Variants in TFAP2E observed in about 807,000 individuals in gnomAD.
TFAP2E encodes the protein transcription factor AP-2-epsilon.
A neutral mutation model predicts 37.9 loss-of-function variants in TFAP2E; 30 were observed. The observed-to-expected ratio is 0.79, with a 90% CI of 0.59 to 1.07. The LOEUF is 1.07. Ranked by LOEUF, TFAP2E falls within the 50% of genes least tolerant of loss-of-function variation. TFAP2E has a pLI of 0.00. For missense variants in TFAP2E, 567 were observed against 637.9 expected (o/e 0.89, Z 1.20); for synonymous variants, 318 against 295.8 (o/e 1.08, Z -0.77).
intron 3 of TFAP2E, among the ~76,000 whole-genome samples, chr1:35,580,430 C>A (rs1453027465): frequency 6.6e-6 from 1 of 152,112 alleles, no homozygotes; most frequent in Non-Finnish European, 1.5e-5. Flanking sequence ...GTCCAAGGAA[C>A]CACATGCATC....
chr1:35,595,560 C>T (rs1273594022), downstream of TFAP2E, among the ~76,000 whole-genome samples: 6 of 152,226 alleles, frequency 3.9e-5, no homozygotes, highest in Non-Finnish European at 7.3e-5. Flanking sequence ...ATGTCCCCAT[C>T]TCTCATTCTC....
intron 3 of TFAP2E, among the ~76,000 whole-genome samples, chr1:35,581,970 G>C (rs1043389030): frequency 3.9e-5 from 6 of 151,946 alleles, no homozygotes; most frequent in African/African-American, 1.2e-4. Context: ...CTGCCTCCTG[G>C]GTTCAAGCAA....
chr1:35,582,749 T>C (rs1344023850), intron 3 of TFAP2E, among the ~76,000 whole-genome samples: 1 of 152,052 alleles, frequency 6.6e-6, no homozygotes, highest in Non-Finnish European at 1.5e-5. Flanking sequence ...ACCCTCGAAC[T>C]CCTGAACTCA....
At chr1:35,581,196 G>C (rs1314520504) in intron 3 of TFAP2E, among the ~76,000 whole-genome samples, 1 of 152,114 alleles carries the variant, frequency 6.6e-6, no homozygotes, top group Non-Finnish European at 1.5e-5. Context: ...CTAAGTAAAA[G>C]AAACAGCAAT....
At position 35,579,554 on chromosome 1, in the gene TFAP2E, C is replaced by T. The variant is rs182657350; in HGVS notation, c.562+4554C>T. ...GGATTACAGGTACCTGTCACCACGC[C>T]CAGCTAATTTTTGTATTTTTAGTAG... On this transcript the variant is annotated intron_variant, in intron 3 of 6. Coordinates refer to ENST00000373235, the MANE Select transcript of TFAP2E (RefSeq NM_178548.4). Among the ~76,000 whole-genome samples the T allele has an allele frequency of 1.5e-3, 227 of 152,030 alleles. 1 individual carries two copies. Among genetic ancestry groups the T allele is most frequent in the African/African-American group, 4.7e-3 (193 of 41,498 alleles).
At chr1:35,592,258 C>G (rs868024223) in intron 6 of TFAP2E, among the ~76,000 whole-genome samples, 2 of 149,744 alleles carry the variant, frequency 1.3e-5, no homozygotes, top group Non-Finnish European at 2.9e-5. Flanking sequence ...GTACTCTAGC[C>G]TGCGTGACAT....
Position 35,590,153 on chromosome 1 carries a change from A to G in TFAP2E, c.904+105A>G. 1 of 1,056,320 alleles carries G rather than the reference A, an allele frequency of 9.5e-7. No homozygotes were observed. Among genetic ancestry groups the G allele is most frequent in the Non-Finnish European group, 1.5e-6 (1 of 688,704 alleles). 65.4% of individuals were successfully genotyped at this position (1,056,320 alleles called of 1,614,324 possible). On this transcript the variant is annotated intron_variant, in intron 5 of 6. Coordinates refer to ENST00000373235, the MANE Select transcript of TFAP2E (RefSeq NM_178548.4). This position sits in a 1 kb window ranked among gnomAD's most constrained non-coding sequence, Gnocchi z 6.2. ...AGGGTGTGTTTAGTGGTGTGTGTGT[A>G]TCCGTGTAAGTGTTGCAGTATCTGT...
At position 35,588,329 on chromosome 1, in the gene TFAP2E, G is replaced by T; in HGVS notation, c.563-1G>T. On this transcript the variant is annotated splice_acceptor_variant, in intron 3 of 6. Transcript: ENST00000373235. LOFTEE classifies it high-confidence loss of function. The surrounding 1 kb of genome is among the most constrained non-coding windows in gnomAD (Gnocchi z 5.1). ...GCTCAGCGTTTCCCTCTTCTCCACA[G>T]TGCCCATCCCCTCCAAAGCCAGCAG... 6.2e-7 allele frequency: 1 copy of T among 1,610,706 alleles called. No individual in the cohort carries two copies. The highest frequency in any genetic ancestry group is 8.5e-7 in the Non-Finnish European group (1 of 1,178,226).
At chr1:35,584,660 C>T (rs1324243036) in intron 3 of TFAP2E, among the ~76,000 whole-genome samples, 1 of 152,102 alleles carries the variant, frequency 6.6e-6, no homozygotes, top group African/African-American at 2.4e-5. Context: ...ACCTCAGCCT[C>T]CAGAGTAGCT....
intron 3 of TFAP2E, among the ~76,000 whole-genome samples, chr1:35,578,700 A>G (rs542349971): frequency 6.6e-6 from 1 of 152,238 alleles, no homozygotes; most frequent in East Asian, 1.9e-4. Context: ...GAGGGTCTCC[A>G]CTTCCCAGAC....
intron 6 of TFAP2E, among the ~76,000 whole-genome samples, chr1:35,591,426 A>C (rs1277161941): frequency 1.3e-5 from 2 of 152,072 alleles, no homozygotes; most frequent in Non-Finnish European, 2.9e-5. Flanking sequence ...GACGTCCATC[A>C]GGCCACCAAG....
intron 6 of TFAP2E, 108 bp from the exon 7 acceptor site, chr1:35,594,286 G>T: frequency 7.3e-7 from 1 of 1,360,800 alleles, no homozygotes; most frequent in East Asian, 2.4e-5. Flanking sequence ...ACTGTTGGGA[G>T]GGTCAGCAAT....
In TFAP2E at chr1:35,573,808, C is replaced by T; in HGVS notation, c.28-119C>T. 1 of 1,376,170 alleles carries T rather than the reference C, an allele frequency of 7.3e-7. No homozygotes were observed. Among genetic ancestry groups the T allele is most frequent in the Non-Finnish European group, 9.4e-7 (1 of 1,060,578 alleles). The allele number at this position is 1,376,170 out of a possible 1,614,324, so 85.2% of individuals were successfully genotyped here. A position where few individuals can be genotyped will look rare whatever the true frequency, so the allele number is the denominator to read the frequency against. ...CCGCGGGTGGCTCGGAAATAAACCTCGGGCCCCAAGAAACGGGAGGGACTG... is the reference window on the plus strand; with the variant it reads ...CCGCGGGTGGCTCGGAAATAAACCTTGGGCCCCAAGAAACGGGAGGGACTG... On this transcript the variant is annotated intron_variant, in intron 1 of 6. Coordinates refer to ENST00000373235, the MANE Select transcript of TFAP2E (RefSeq NM_178548.4). This position sits in a 1 kb window ranked among gnomAD's most constrained non-coding sequence, Gnocchi z 5.9.
chr1:35,583,340 T>C (rs868099944), intron 3 of TFAP2E, among the ~76,000 whole-genome samples: 128 of 152,004 alleles, frequency 8.4e-4, no homozygotes, highest in African/African-American at 3.0e-3. Context: ...GATGGGGTTT[T>C]CCCATGTTGT....
rs1287634179 is a variant in TFAP2E, at chr1:35,594,703, G to C, written c.*27G>C. The C allele has an allele frequency of 6.2e-7, 1 of 1,612,506 alleles. No homozygotes were observed. Among genetic ancestry groups the C allele is most frequent in the South Asian group, 1.1e-5 (1 of 91,018 alleles). On this transcript the variant is annotated 3_prime_UTR_variant, in exon 7 of 7. Coordinates refer to ENST00000373235, the MANE Select transcript of TFAP2E (RefSeq NM_178548.4). ...TGCTTCTCCCACCCCATCCCTAAGGGGCTCCCAGGCCCTGAAATAGGGACT... is the reference window on the plus strand; with the variant it reads ...TGCTTCTCCCACCCCATCCCTAAGGCGCTCCCAGGCCCTGAAATAGGGACT...
chr1:35,578,732 T>C (rs986633494), intron 3 of TFAP2E, among the ~76,000 whole-genome samples: 2 of 151,924 alleles, frequency 1.3e-5, no homozygotes, highest in African/African-American at 2.4e-5. Flanking sequence ...AGCCAGGACA[T>C]GGGTGAGATG....
chr1:35,589,705 G>A (rs763833949), intron 4 of TFAP2E, among the ~76,000 whole-genome samples: 44 of 152,190 alleles, frequency 2.9e-4, no homozygotes, highest in Non-Finnish European at 4.6e-4. Context: ...AGTGAACTGA[G>A]GGGCTCCTGG....
intron 6 of TFAP2E, among the ~76,000 whole-genome samples, chr1:35,591,637 G>A (rs994856994): frequency 2.0e-5 from 3 of 152,212 alleles, no homozygotes; most frequent in African/African-American, 7.2e-5. Flanking sequence ...CTAGGTCTGC[G>A]AGGGCACCTC....
At position 35,594,952 on chromosome 1, in the gene TFAP2E, T is replaced by C. The variant is rs1649789960; in HGVS notation, c.*276T>C. The C allele has an allele frequency of 6.1e-6, 3 of 494,510 alleles. No homozygotes were observed. Among genetic ancestry groups the C allele is most frequent in the South Asian group, 2.5e-5 (1 of 40,558 alleles). The allele number at this position is 494,510 out of a possible 1,614,324, so 30.6% of individuals were successfully genotyped here. ...GAAGGGTTTGGACAGAAAATTGACA[T>C]GAAAAGATCTGGCTCATGGGGCAGA... On this transcript the variant is annotated 3_prime_UTR_variant, in exon 7 of 7. Transcript: ENST00000373235.
Sources: gnomAD v4.1 joint callset for allele counts (sites outside exome capture counted in the v4.1 genomes callset) on GRCh38, gnomAD v4.1.1 for gene constraint, Gnocchi (gnomAD v3.1) non-coding constraint, MANE v1.5 for transcripts, NCBI Gene and HGNC (gene_info 2026-07-23, HGNC 2026-07-21) for gene names.